Variants in DCHS2 observed in about 807,000 individuals in gnomAD.
DCHS2 encodes dachsous cadherin-related 2.
In DCHS2, 142 loss-of-function variants were observed where a neutral mutation model predicts 182.4. The observed-to-expected ratio is 0.78, with a 90% CI of 0.68 to 0.89. The LOEUF (loss-of-function observed/expected upper bound fraction) is 0.89, where lower values mean the gene tolerates loss of function less well. DCHS2 is among the 40% of genes least tolerant of loss of function. The pLI is 0.00. For missense variants in DCHS2, 4,319 were observed against 4,198.6 expected (o/e 1.03, Z -0.79); for synonymous variants, 1,740 against 1,663.3 (o/e 1.05, Z -1.12).
At chr4:154,269,792 C>A in intron 14 of DCHS2, 108 bp downstream of exon 14, 1 of 1,360,806 alleles carries the variant, frequency 7.3e-7, no homozygotes, top group Non-Finnish European at 9.9e-7. Context: ...TTCTTTCTTG[C>A]TTACCTTTTA....
chr4:154,374,641 C>T (rs1036152742), intron 2 of DCHS2, among the ~76,000 whole-genome samples: 1 of 152,074 alleles, frequency 6.6e-6, no homozygotes, highest in Non-Finnish European at 1.5e-5. Context: ...ACTTCATGTT[C>T]ATTTTTACAT....
intron 3 of DCHS2, among the ~76,000 whole-genome samples, chr4:154,337,665 G>A (rs1728873190): frequency 6.6e-6 from 1 of 151,904 alleles, no homozygotes; most frequent in African/African-American, 2.4e-5. Flanking sequence ...TCTTCCATCT[G>A]GATTGCTGCG....
intron 1 of DCHS2, among the ~76,000 whole-genome samples, chr4:154,446,374 T>C (rs183146792): frequency 6.6e-6 from 1 of 152,322 alleles, no homozygotes; most frequent in East Asian, 1.9e-4. Flanking sequence ...CAAGAGAAAG[T>C]CTTGCTTTAC....
At chr4:154,321,414 G>A (rs115128455) in intron 8 of DCHS2, among the ~76,000 whole-genome samples, 192 bp from the exon 9 acceptor site, 3 of 152,042 alleles carry the variant, frequency 2.0e-5, no homozygotes, top group African/African-American at 7.2e-5. Flanking sequence ...ATAATATTTA[G>A]GAGATAACAG....
chr4:154,378,508 GGAAGGAAGGAAA>G (rs1731020119), intron 1 of DCHS2, among the ~76,000 whole-genome samples: 2 of 102,706 alleles, frequency 1.9e-5, no homozygotes, highest in East Asian at 2.6e-4. Context: ...TGGGAAGGAA[GGAAGGAAGGAAA>G]GAAGGAAGGA....
chr4:154,425,281 C>T (rs115005223), intron 1 of DCHS2, among the ~76,000 whole-genome samples: 173 of 152,312 alleles, frequency 1.1e-3, no homozygotes, highest in African/African-American at 3.7e-3. Context: ...GTTGTGCAAA[C>T]GCTTAGAGCC....
At position 154,240,838 on chromosome 4, in the gene DCHS2, A is replaced by AC; in HGVS notation, c.7073-16dup. ...AGGCAAAGAATCTGAAATAGTCATGACCAGTGTCAGTCTCCATTAAAATTC... is the reference window on the plus strand; with the variant it reads ...AGGCAAAGAATCTGAAATAGTCATGACCCAGTGTCAGTCTCCATTAAAATTC... On this transcript the variant is annotated splice_polypyrimidine_tract_variant and intron_variant, in intron 17 of 19. Transcript: ENST00000357232. 6.2e-7 allele frequency: 1 copy of AC among 1,612,018 alleles called. No homozygotes were observed. The highest frequency in any genetic ancestry group is 8.5e-7 in the Non-Finnish European group (1 of 1,178,916).
At chr4:154,299,887 C>T (rs1410227957) in intron 12 of DCHS2, among the ~76,000 whole-genome samples, 1 of 152,122 alleles carries the variant, frequency 6.6e-6, no homozygotes, top group Non-Finnish European at 1.5e-5. Context: ...ATCATATGTA[C>T]AGAGTGCTAA....
intron 1 of DCHS2, among the ~76,000 whole-genome samples, chr4:154,424,406 A>G (rs1389042489): frequency 1.3e-5 from 2 of 152,228 alleles, no homozygotes; most frequent in East Asian, 1.9e-4. Context: ...AGTGATTAGA[A>G]GGAGCAAAAG....
chr4:154,234,774 G>A lies in DCHS2; in HGVS notation c.9878C>T (p.Pro3293Leu), dbSNP rs751227670. ...AVAQPGIKAV[P>L]PRMPAVNLGQ... ...CAGGTTTACTGCCGGCATTCTTGGT[G>A]GGACTGCTTTAATCCCAGGCTGGGC... Residue 3293 changes from proline to leucine, a missense_variant, in exon 20 of 20, where the codon CCA becomes CTA. By Grantham distance (98) the Pro-to-Leu change is moderately conservative. Transcript: ENST00000357232. The A allele has an allele frequency of 1.2e-6, 2 of 1,614,040 alleles. No individual in the cohort carries two copies. Among genetic ancestry groups the A allele is most frequent in the African/African-American group, 1.3e-5 (1 of 75,056 alleles).
At chr4:154,461,989 AG>A (rs2110999479) in intron 1 of DCHS2, among the ~76,000 whole-genome samples, 1 of 152,268 alleles carries the variant, frequency 6.6e-6, no homozygotes, top group East Asian at 1.9e-4. Context: ...AAAGCACAAG[AG>A]GGAGGTCATG....
intron 1 of DCHS2, among the ~76,000 whole-genome samples, chr4:154,395,243 C>T (rs957122752): frequency 8.5e-5 from 13 of 152,050 alleles, no homozygotes; most frequent in African/African-American, 1.4e-4. Context: ...ATTCATAAAC[C>T]GTTTATTTAA....
chr4:154,384,452 T>G, intron 1 of DCHS2: 1 of 1,604,274 alleles, frequency 6.2e-7, no homozygotes, highest in South Asian at 1.1e-5. Flanking sequence ...GACTACCTCT[T>G]TTCAATCCAC....
intron 1 of DCHS2, chr4:154,391,354 C>T (rs914278979): frequency 6.5e-7 from 1 of 1,538,294 alleles, no homozygotes; most frequent in South Asian, 1.2e-5. Flanking sequence ...TGGCATGAAC[C>T]CTTTCCTTGT....
chr4:154,408,466 C>T (rs73854740), intron 1 of DCHS2, among the ~76,000 whole-genome samples: 2 of 152,140 alleles, frequency 1.3e-5, no homozygotes, highest in South Asian at 2.1e-4. Flanking sequence ...CTAAAATAGG[C>T]CATCATTATT....
intron 16 of DCHS2, among the ~76,000 whole-genome samples, chr4:154,254,321 C>T (rs916294632): frequency 1.1e-4 from 17 of 152,250 alleles, no homozygotes; most frequent in African/African-American, 3.9e-4. Flanking sequence ...TCTCAATATG[C>T]GGGTGTGCTT....
chr4:154,364,909 T>TC (rs1366349667), intron 3 of DCHS2, among the ~76,000 whole-genome samples: 11 of 152,086 alleles, frequency 7.2e-5, no homozygotes, highest in African/African-American at 1.2e-4. Context: ...AGAAAAAAAT[T>TC]CTTTTTTTTT....
intron 3 of DCHS2, among the ~76,000 whole-genome samples, chr4:154,346,603 G>C (rs1729371689): frequency 6.7e-6 from 1 of 150,182 alleles, no homozygotes; most frequent in Non-Finnish European, 1.5e-5. Context: ...AAAGTCACCA[G>C]ATCAGGTGCC....
In DCHS2 at chr4:154,334,941, C is replaced by T. The variant is rs747654145; in HGVS notation, c.2640G>A (p.Lys880=). The T allele has an allele frequency of 1.2e-6, 2 of 1,614,138 alleles. No individual in the cohort carries two copies. The highest frequency in any genetic ancestry group is 1.1e-5 in the South Asian group (1 of 91,080). Reference sequence around the variant, plus strand: ...CATCTTCATAAACTAAGAAAGTGTACTTAGGCCTTTCAAACTCAGCAGGTG... The same window carrying T: ...CATCTTCATAAACTAAGAAAGTGTATTTAGGCCTTTCAAACTCAGCAGGTG... ...TLAPAEFERP[K]YTFLVYEDVP... The change falls in exon 4 of 20, where the codon AAG becomes AAA. Residue 880 remains lysine, a synonymous_variant. Transcript: ENST00000357232.
Sources: allele counts gnomAD v4.1 joint callset (sites outside exome capture counted in the v4.1 genomes callset), GRCh38; gene constraint gnomAD v4.1.1; transcripts MANE v1.5; gene names NCBI Gene and HGNC (gene_info 2026-07-23, HGNC 2026-07-21).